Variants in HDC observed in about 807,000 individuals in gnomAD.
HDC encodes histidine decarboxylase.
HDC carries 27 observed loss-of-function variants against 64.4 expected under a neutral mutation model. The ratio of observed to expected loss-of-function variants is 0.42; its 90% CI spans 0.31 to 0.58. The LOEUF (loss-of-function observed/expected upper bound fraction) is 0.58. Ranked by LOEUF, HDC falls within the 20% of genes least tolerant of loss-of-function variation. The probability of loss-of-function intolerance (pLI) is 0.16; values close to 1 mark genes in which losing one functional copy is unlikely to be tolerated. For missense variants in HDC, 711 were observed against 833.9 expected (o/e 0.85, Z 1.81); for synonymous variants, 305 against 314.2 (o/e 0.97, Z 0.31).
Position 50,248,080 on chromosome 15 carries a change from T to G in HDC, c.1140+165A>C, listed in dbSNP as rs2140928069. ...GGGCATGTTGTGCTCAGCGCTCCTC[T>G]GGTTAACAAAGAGAATCAAGTCCCA... On this transcript the variant is annotated intron_variant, in intron 10 of 11. Coordinates refer to ENST00000267845, the MANE Select transcript of HDC (RefSeq NM_002112.4). This position sits in a 1 kb window ranked among gnomAD's most constrained non-coding sequence, Gnocchi z 4.3. 6.6e-6 allele frequency among the ~76,000 whole-genome samples: 1 copy of G among 152,334 alleles called. No homozygotes were observed. The highest frequency in any genetic ancestry group is 1.9e-4 in the East Asian group (1 of 5,178).
chr15:50,262,454 C>T (rs1251680364), intron 2 of HDC, among the ~76,000 whole-genome samples: 2 of 152,154 alleles, frequency 1.3e-5, no homozygotes, highest in African/African-American at 2.4e-5. Context: ...GGAAGGGAGT[C>T]GATGCCACTT....
chr15:50,246,774 T>C (rs1477746829), intron 10 of HDC, among the ~76,000 whole-genome samples: 1 of 152,164 alleles, frequency 6.6e-6, no homozygotes, highest in African/African-American at 2.4e-5. Context: ...TGTTCCTAAT[T>C]ACTTGTAACC....
At chr15:50,243,297 T>G in intron 10 of HDC, 53 bp from the exon 11 acceptor site, 1 of 1,200,704 alleles carries the variant, frequency 8.3e-7, no homozygotes, top group Admixed American at 1.7e-5. Context: ...CAAGAGACTA[T>G]GCATAAACTT....
rs2045445882 is a variant in HDC at position 50,244,250 on chromosome 15, T to C, written c.1141-1006A>G. On this transcript the variant is annotated intron_variant, in intron 10 of 11. Transcript: ENST00000267845. Reference sequence around the variant, plus strand: ...CAGTTAGTTCTCATACTTACTGCTCTATTTCAAGAGAGGGCAAGGGAGTTA... The same window carrying C: ...CAGTTAGTTCTCATACTTACTGCTCCATTTCAAGAGAGGGCAAGGGAGTTA... Among the ~76,000 whole-genome samples the C allele has an allele frequency of 2.6e-5, 4 of 151,600 alleles. No homozygotes were observed. The South Asian group carries it at 8.3e-4, about 32-fold the overall frequency.
At chr15:50,257,136 A>G (rs572829620) in intron 4 of HDC, among the ~76,000 whole-genome samples, 3 of 152,314 alleles carry the variant, frequency 2.0e-5, no homozygotes, top group African/African-American at 7.2e-5. Flanking sequence ...TGGGACACCA[A>G]AAAGGAATTG....
chr15:50,260,090 T>C (rs1209292796), intron 2 of HDC, among the ~76,000 whole-genome samples: 2 of 151,900 alleles, frequency 1.3e-5, no homozygotes, highest in Non-Finnish European at 2.9e-5. Context: ...AGCGCCATCT[T>C]GGCTCAGTGC....
intron 10 of HDC, among the ~76,000 whole-genome samples, chr15:50,246,569 T>C (rs2045484931): frequency 6.6e-6 from 1 of 152,108 alleles, no homozygotes; most frequent in African/African-American, 2.4e-5. Context: ...GATGGGTCGA[T>C]GAAATGCCCA....
chr15:50,242,240 T>A lies in HDC; in HGVS notation c.*20A>T. 6.2e-7 allele frequency: 1 copy of A among 1,607,292 alleles called. No individual in the cohort carries two copies. The highest frequency in any genetic ancestry group is 8.5e-7 in the Non-Finnish European group (1 of 1,173,814). On this transcript the variant is annotated 3_prime_UTR_variant, in exon 12 of 12. Coordinates refer to ENST00000267845, the MANE Select transcript of HDC (RefSeq NM_002112.4). ...GAGTCCCTGAAGTATATCCTCAGAC[T>A]CTGGCTGAAGGCCCTGTGTCTAAAC...
intron 10 of HDC, among the ~76,000 whole-genome samples, chr15:50,247,821 G>A (rs2045502472): frequency 6.6e-6 from 1 of 152,178 alleles, no homozygotes. Flanking sequence ...CCAAGCCAGG[G>A]GAGCTTTATT....
chr15:50,246,967 T>C (rs917447823), intron 10 of HDC, among the ~76,000 whole-genome samples: 2 of 152,180 alleles, frequency 1.3e-5, no homozygotes, highest in South Asian at 2.1e-4. Flanking sequence ...GAGAACATTA[T>C]GTTAAGCAAA....
intron 2 of HDC, among the ~76,000 whole-genome samples, chr15:50,258,809 G>C (rs2045665397): frequency 6.6e-6 from 1 of 152,130 alleles, no homozygotes; most frequent in South Asian, 2.1e-4. Flanking sequence ...TGGGATTCTG[G>C]GTGGTATTCA....
chr15:50,253,435 G>A, intron 7 of HDC, 165 bp downstream of exon 7: 1 of 720,400 alleles, frequency 1.4e-6, no homozygotes, highest in South Asian at 1.5e-5. Context: ...AATGTCCAGG[G>A]ATCCCTGGAA....
intron 3 of HDC, among the ~76,000 whole-genome samples, 190 bp downstream of exon 3, chr15:50,258,214 A>G (rs1200106239): frequency 1.3e-5 from 2 of 152,232 alleles, no homozygotes; most frequent in Non-Finnish European, 2.9e-5. Flanking sequence ...AATGGGATCA[A>G]TACTCGTGAT....
At chr15:50,252,342 AGC>A in intron 9 of HDC, 86 bp downstream of exon 9, 1 of 950,044 alleles carries the variant, frequency 1.1e-6, no homozygotes, top group South Asian at 1.3e-5. Flanking sequence ...TTCTGAAGGG[AGC>A]CACCGTACAG....
chr15:50,258,849 C>T (rs956108678), intron 2 of HDC, among the ~76,000 whole-genome samples: 7 of 152,064 alleles, frequency 4.6e-5, no homozygotes, highest in East Asian at 1.9e-4. Context: ...CCCCTCATGC[C>T]GCCCCTGCCC....
chr15:50,262,809 C>T (rs2045720973), intron 2 of HDC, among the ~76,000 whole-genome samples: 1 of 152,192 alleles, frequency 6.6e-6, no homozygotes, highest in Non-Finnish European at 1.5e-5. Flanking sequence ...GTCTCAGACA[C>T]TGTACAGAAG....
At position 50,248,189 on chromosome 15, in the gene HDC, C is replaced by T. The variant is rs138554770; in HGVS notation, c.1140+56G>A. On this transcript the variant is annotated intron_variant, in intron 10 of 11. Coordinates refer to ENST00000267845, the MANE Select transcript of HDC (RefSeq NM_002112.4). The surrounding 1 kb of genome is among the most constrained non-coding windows in gnomAD (Gnocchi z 4.3). Reference sequence around the variant, plus strand: ...CTGCAAAGTAGAAACCAGCCTTCCTCGCCATGAGAAAACAGAGGAACACAG... The same window carrying T: ...CTGCAAAGTAGAAACCAGCCTTCCTTGCCATGAGAAAACAGAGGAACACAG... 7.9e-5 allele frequency: 101 copies of T among 1,282,622 alleles called. No homozygotes were observed. Among genetic ancestry groups the T allele is most frequent in the Non-Finnish European group, 1.1e-4 (94 of 882,298 alleles). 79.5% of individuals were successfully genotyped at this position (1,282,622 alleles called of 1,614,324 possible).
In HDC at chr15:50,253,637, G is replaced by A; in HGVS notation, c.750C>T (p.Val250=). The change falls in exon 7 of 12, where the codon GTC becomes GTT. Residue 250 remains valine (V), a synonymous_variant. Coordinates refer to ENST00000267845, the MANE Select transcript of HDC (RefSeq NM_002112.4). ...FVCATLGTTG[V]CAFDCLSELG... is the part of the protein sequence containing the mutation. ...GCTCTGACAGGCAGTCAAATGCACA[G>A]ACCCCAGTGGTCCCTAGTGTTGCAC... is the stretch of plus-strand genomic sequence containing the variant. The A allele has an allele frequency of 6.2e-7, 1 of 1,613,710 alleles. No individual in the cohort carries two copies. The highest frequency in any genetic ancestry group is 8.5e-7 in the Non-Finnish European group (1 of 1,180,006).
chr15:50,253,853 G>C, intron 6 of HDC, 187 bp from the exon 7 acceptor site: 1 of 653,442 alleles, frequency 1.5e-6, no homozygotes, highest in Non-Finnish European at 2.7e-6. Flanking sequence ...ACATGTATAC[G>C]TGTGTATTTG....
Sources: gnomAD v4.1 joint callset for allele counts (sites outside exome capture counted in the v4.1 genomes callset) on GRCh38, gnomAD v4.1.1 for gene constraint, Gnocchi (gnomAD v3.1) non-coding constraint, MANE v1.5 for transcripts, NCBI Gene and HGNC (gene_info 2026-07-23, HGNC 2026-07-21) for gene names.